The following MRTFB variants were observed in gnomAD, a reference collection of about 807,000 sequenced individuals.
MRTFB encodes myocardin-related transcription factor B.
Under a neutral mutation model 104.2 loss-of-function variants are expected in MRTFB, and 29 were observed. The ratio of observed to expected loss-of-function variants is 0.28; its 90% confidence interval spans 0.21 to 0.38. The LOEUF is 0.38. Ranked by LOEUF, MRTFB falls within the 10% of genes least tolerant of loss-of-function variation. The pLI is 1.00. For missense variants in MRTFB, 1,270 were observed against 1,341.6 expected, an observed-to-expected ratio of 0.95 and a Z score of 0.83; for synonymous variants, 535 against 519.5, an observed-to-expected ratio of 1.03 and a Z score of -0.41.
Position 14,262,061 on chromosome 16 carries a change from C to T in MRTFB, c.*617C>T, listed in dbSNP as rs969834144. Reference sequence around the variant, plus strand: ...AGTTTATTTTGTGATTTTTTGGAATCGTACTTTATATTTCCAAATTTAAAT... The same window carrying T: ...AGTTTATTTTGTGATTTTTTGGAATTGTACTTTATATTTCCAAATTTAAAT... On this transcript the variant is annotated 3_prime_UTR_variant, in exon 17 of 17. Transcript: ENST00000571589. 6.6e-6 allele frequency: 1 copy of T among 152,128 alleles called. No homozygotes were observed. Among genetic ancestry groups the T allele is most frequent in the Non-Finnish European group, 1.5e-5 (1 of 68,028 alleles). 9.4% of individuals were successfully genotyped at this position (152,128 alleles called of 1,614,324 possible).
At chr16:14,084,576 G>C (rs1334052145) in intron 2 of MRTFB, among the ~76,000 whole-genome samples, 1 of 152,106 alleles carries the variant, frequency 6.6e-6, no homozygotes, top group Non-Finnish European at 1.5e-5. Context: ...AAGCTTTAGA[G>C]ACCAATTTCT....
intron 3 of MRTFB, among the ~76,000 whole-genome samples, chr16:14,180,017 C>T (rs536232600): frequency 6.6e-6 from 1 of 152,304 alleles, no homozygotes; most frequent in African/African-American, 2.4e-5. Context: ...ATGGTGGGAC[C>T]ACATATTGGT....
At chr16:14,241,775 G>C (rs1274826069) in intron 10 of MRTFB, among the ~76,000 whole-genome samples, 2 of 152,074 alleles carry the variant, frequency 1.3e-5, no homozygotes, top group Non-Finnish European at 2.9e-5. Context: ...GATGAAGAGA[G>C]AAAGAACTTT....
At chr16:14,148,681 T>TGG (rs1044147892) in intron 3 of MRTFB, 5 of 152,694 alleles carry the variant, frequency 3.3e-5, no homozygotes, top group Non-Finnish European at 2.9e-5. Flanking sequence ...TGTAGTCTTT[T>TGG]GGGAGTCAGG....
chr16:14,081,731 C>T (rs9937524), intron 2 of MRTFB, among the ~76,000 whole-genome samples: 26,977 of 152,006 alleles, frequency 0.18, 3,816 homozygotes, highest in African/African-American at 0.38. Context: ...AGGCACATGC[C>T]ACCACACTCT....
chr16:14,216,121 A>G (rs1485494433), intron 6 of MRTFB, among the ~76,000 whole-genome samples: 1 of 152,272 alleles, frequency 6.6e-6, no homozygotes, highest in Non-Finnish European at 1.5e-5. Flanking sequence ...TTTGGCAAGC[A>G]TACAGCTCAG....
chr16:14,134,250 G>T (rs1383025882), intron 2 of MRTFB, among the ~76,000 whole-genome samples: 1 of 152,104 alleles, frequency 6.6e-6, no homozygotes, highest in Admixed American at 6.5e-5. Flanking sequence ...TGTATTGTCA[G>T]TATTTGCTAT....
intron 3 of MRTFB, among the ~76,000 whole-genome samples, chr16:14,207,805 G>A (rs753138400): frequency 6.6e-6 from 1 of 152,190 alleles, no homozygotes; most frequent in Non-Finnish European, 1.5e-5. Flanking sequence ...AGTTCTGTGA[G>A]CTGTTCTAGC....
At chr16:14,020,686 T>A in the MRTFB span, among the ~76,000 whole-genome samples, 3 of 152,200 alleles carry the variant, frequency 2.0e-5, no homozygotes, top group Non-Finnish European at 4.4e-5. Context: ...GGCTGCCAGA[T>A]GACGGCAGCT....
At chr16:14,128,352 G>A (rs2142388395) in intron 2 of MRTFB, among the ~76,000 whole-genome samples, 1 of 152,222 alleles carries the variant, frequency 6.6e-6, no homozygotes, top group Admixed American at 6.5e-5. Flanking sequence ...AAGGGTTCGT[G>A]GTCTCGACCA....
intron 2 of MRTFB, among the ~76,000 whole-genome samples, chr16:14,112,868 C>T (rs1194167604): frequency 6.6e-6 from 1 of 152,098 alleles, no homozygotes; most frequent in Non-Finnish European, 1.5e-5. Flanking sequence ...CTCTGGACAC[C>T]CTATCTGAAA....
chr16:14,197,035 T>C (rs920988743), intron 3 of MRTFB, among the ~76,000 whole-genome samples: 6 of 148,690 alleles, frequency 4.0e-5, no homozygotes, highest in Non-Finnish European at 7.4e-5. Flanking sequence ...AGTGTCGTGA[T>C]TGCGGCTCAC....
intron 15 of MRTFB, among the ~76,000 whole-genome samples, chr16:14,256,264 T>G (rs1042863199): frequency 2.7e-5 from 4 of 148,010 alleles, no homozygotes; most frequent in African/African-American, 7.6e-5. Context: ...AAACCCAAAC[T>G]TAACCATGTC....
At chr16:14,139,296 A>T (rs968906890) in intron 2 of MRTFB, among the ~76,000 whole-genome samples, 2 of 152,228 alleles carry the variant, frequency 1.3e-5, no homozygotes, top group Non-Finnish European at 2.9e-5. Flanking sequence ...TAGGGATGGG[A>T]TGGCAAATTA....
intron 8 of MRTFB, 124 bp from the exon 9 acceptor site, chr16:14,234,017 AATCAT>A: frequency 9.0e-7 from 1 of 1,114,892 alleles, no homozygotes; most frequent in Non-Finnish European, 1.3e-6. Flanking sequence ...CCTCAGACAT[AATCAT>A]ATATTTTTCC....
At chr16:14,140,862 G>A in intron 3 of MRTFB, 102 bp downstream of exon 3, 1 of 1,358,070 alleles carries the variant, frequency 7.4e-7, no homozygotes, top group South Asian at 1.3e-5. Context: ...CAGTTCAGCA[G>A]TCTGTCATGG....
chr16:14,219,342 A>T (rs1371093855), intron 8 of MRTFB, among the ~76,000 whole-genome samples: 1 of 152,200 alleles, frequency 6.6e-6, no homozygotes, highest in East Asian at 1.9e-4. Flanking sequence ...GGAATGTAAG[A>T]AATATTTTGG....
intron 1 of MRTFB, among the ~76,000 whole-genome samples, chr16:14,074,085 G>C (rs987399871): frequency 6.6e-6 from 1 of 151,808 alleles, no homozygotes; most frequent in Non-Finnish European, 1.5e-5. Flanking sequence ...TTGAATAGAC[G>C]AGTTGCTTCT....
At chr16:14,206,565 G>C (rs1158495410) in intron 3 of MRTFB, among the ~76,000 whole-genome samples, 1 of 152,200 alleles carries the variant, frequency 6.6e-6, no homozygotes, top group Admixed American at 6.5e-5. Context: ...GTAATTGTGT[G>C]TTTTTGTTTT....
Sources: gnomAD v4.1 joint callset for allele counts (sites outside exome capture counted in the v4.1 genomes callset) on GRCh38, gnomAD v4.1.1 for gene constraint, MANE v1.5 for transcripts, NCBI Gene and HGNC (gene_info 2026-07-23, HGNC 2026-07-21) for gene names.